Variants in SLBP observed in about 807,000 individuals in gnomAD.
SLBP encodes stem-loop histone mRNA binding protein.
Under a neutral mutation model 39.2 loss-of-function variants are expected in SLBP, and 29 were observed. The observed-to-expected ratio is 0.74, with a 90% CI of 0.55 to 1.01. SLBP has a LOEUF of 1.01. SLBP is among the 50% of genes least tolerant of loss of function. The pLI is 0.00. For synonymous variants in SLBP, 129 were observed against 118.7 expected (o/e 1.09, Z -0.57); for missense variants, 390 against 350.2 (o/e 1.11, Z -0.91).
intron 3 of SLBP, among the ~76,000 whole-genome samples, chr4:1,701,111 T>C (rs1716307114): frequency 6.6e-6 from 1 of 152,112 alleles, no homozygotes; most frequent in African/African-American, 2.4e-5. Flanking sequence ...AAAGACTGGT[T>C]TTCAGGTATG....
intron 3 of SLBP, among the ~76,000 whole-genome samples, chr4:1,702,871 GGAGA>G (rs1173835329): frequency 6.6e-6 from 1 of 152,124 alleles, no homozygotes; most frequent in African/African-American, 2.4e-5. Context: ...TCCTTCATCT[GGAGA>G]GAGCACTCCA....
intron 2 of SLBP, among the ~76,000 whole-genome samples, chr4:1,706,332 G>C (rs1231805718): frequency 6.6e-6 from 1 of 152,098 alleles, no homozygotes; most frequent in Non-Finnish European, 1.5e-5. Flanking sequence ...CCTTTCGGGC[G>C]CATGTAATTA....
Position 1,712,289 on chromosome 4 carries a change from C to G in SLBP, c.-101G>C. On this transcript the variant is annotated 5_prime_UTR_variant, in exon 1 of 8. Coordinates refer to ENST00000489418, the MANE Select transcript of SLBP (RefSeq NM_006527.4). ...GCAGGGCAGGGCCTGAGGCAGAAAC[C>G]CGCGTCCCCGCGCCGGCGCTCACGA... 2.9e-6 allele frequency: 2 copies of G among 687,044 alleles called. No individual in the cohort carries two copies. The highest frequency in any genetic ancestry group is 2.1e-6 in the Non-Finnish European group (1 of 476,354). 42.6% of individuals were successfully genotyped at this position (687,044 alleles called of 1,614,324 possible).
chr4:1,710,475 T>G (rs1716707745), intron 2 of SLBP, among the ~76,000 whole-genome samples: 1 of 152,230 alleles, frequency 6.6e-6, no homozygotes, highest in South Asian at 2.1e-4. Flanking sequence ...TTTAGGAATT[T>G]AGCTAATGTT....
chr4:1,710,636 G>A (rs565575568), intron 2 of SLBP, among the ~76,000 whole-genome samples: 3 of 152,318 alleles, frequency 2.0e-5, no homozygotes, highest in Admixed American at 6.5e-5. Context: ...GAGCAGGTAG[G>A]GGAATAGTCA....
Position 1,699,995 on chromosome 4 carries a change from T to C in SLBP, c.341+16A>G. The C allele has an allele frequency of 6.4e-7, 1 of 1,550,580 alleles. No individual in the cohort carries two copies. Among genetic ancestry groups the C allele is most frequent in the Non-Finnish European group, 8.7e-7 (1 of 1,143,998 alleles). Reference sequence around the variant, plus strand: ...GGTCTATCAAATTAGAAAAGAAACATTTACACAGCCTTTACCTTCCTGATG... The same window carrying C: ...GGTCTATCAAATTAGAAAAGAAACACTTACACAGCCTTTACCTTCCTGATG... On this transcript the variant is annotated intron_variant, in intron 4 of 7. Coordinates refer to ENST00000489418, the MANE Select transcript of SLBP (RefSeq NM_006527.4).
At chr4:1,699,532 T>C (rs1577180053) in intron 5 of SLBP, 32 bp downstream of exon 5, 1 of 1,612,180 alleles carries the variant, frequency 6.2e-7, no homozygotes, top group African/African-American at 1.3e-5. Flanking sequence ...GCCACACAGC[T>C]TGTTCAAGAC....
rs1485487946 is a variant in SLBP, at chr4:1,712,007, G to A, written c.60-17C>T. 2 of 1,284,064 alleles carry A rather than the reference G, an allele frequency of 1.6e-6. No individual in the cohort carries two copies. The highest frequency in any genetic ancestry group is 2.3e-5 in the South Asian group (1 of 43,922). The allele number at this position is 1,284,064 out of a possible 1,614,324, so 79.5% of individuals were successfully genotyped here. Reference sequence around the variant, plus strand: ...GACGGCGGGCTGCGGGGAGGGACGCGGTCGGCTGGGCACGGGAGGTTCGGG... The same window carrying A: ...GACGGCGGGCTGCGGGGAGGGACGCAGTCGGCTGGGCACGGGAGGTTCGGG... On this transcript the variant is annotated splice_polypyrimidine_tract_variant and intron_variant, in intron 1 of 7. Transcript: ENST00000489418.
intron 3 of SLBP, among the ~76,000 whole-genome samples, chr4:1,700,411 G>A (rs1716280546): frequency 6.6e-6 from 1 of 151,912 alleles, no homozygotes; most frequent in Admixed American, 6.6e-5. Flanking sequence ...CTTTTCTCTT[G>A]TTCCTCATGA....
chr4:1,693,764 G>T, intron 7 of SLBP, 51 bp from the exon 8 acceptor site: 1 of 1,253,766 alleles, frequency 8.0e-7, no homozygotes. Context: ...CCTGAAAACA[G>T]GGGCCCCTTC....
chr4:1,704,140 C>G (rs975914950), intron 2 of SLBP, among the ~76,000 whole-genome samples: 2 of 152,084 alleles, frequency 1.3e-5, no homozygotes, highest in Admixed American at 1.3e-4. Flanking sequence ...AATTATGATT[C>G]CTTTTGGGTG....
chr4:1,711,980 G>C lies in SLBP; in HGVS notation c.70C>G (p.Pro24Ala). Reference protein sequence around the residue: ...RCDGDASPPSPARWSLGRKRR... With the variant: ...RCDGDASPPSAARWSLGRKRR... ...TTCCGTCCCAGGCTCCATCGCGCGG[G>C]GGACGGCGGGCTGCGGGGAGGGACG... is the stretch of plus-strand genomic sequence containing the variant. Residue 24 changes from proline to alanine, a missense_variant, in exon 2 of 8, where the codon CCC becomes GCC. Pro to Ala is a conservative substitution (Grantham distance 27). Coordinates refer to ENST00000489418, the MANE Select transcript of SLBP (RefSeq NM_006527.4). 1 of 1,297,234 alleles carries C rather than the reference G, an allele frequency of 7.7e-7. No homozygotes were observed. Among genetic ancestry groups the C allele is most frequent in the Non-Finnish European group, 9.8e-7 (1 of 1,023,030 alleles). 80.4% of individuals were successfully genotyped at this position (1,297,234 alleles called of 1,614,324 possible).
At chr4:1,697,469 AAAAT>A (rs1046148864) in intron 5 of SLBP, among the ~76,000 whole-genome samples, 12 of 152,008 alleles carry the variant, frequency 7.9e-5, no homozygotes, top group Non-Finnish European at 1.6e-4. Flanking sequence ...CTCCGTCTCA[AAAAT>A]AAATAAATAA....
At chr4:1,703,543 G>T in intron 3 of SLBP, 53 bp downstream of exon 3, 1 of 1,077,420 alleles carries the variant, frequency 9.3e-7, no homozygotes, top group Non-Finnish European at 1.4e-6. Flanking sequence ...CAAATTTAAT[G>T]TGTTACTGAA....
Position 1,712,132 on chromosome 4 carries a change from G to T in SLBP, c.57C>A (p.Ala19=). 1 of 1,231,746 alleles carries T rather than the reference G, an allele frequency of 8.1e-7. No individual in the cohort carries two copies. The highest frequency in any genetic ancestry group is 1.0e-6 in the Non-Finnish European group (1 of 988,752). 76.3% of individuals were successfully genotyped at this position (1,231,746 alleles called of 1,614,324 possible). Residue 19 remains alanine, a splice_region_variant and synonymous_variant, in exon 1 of 8, where the codon GCC becomes GCA. Coordinates refer to ENST00000489418, the MANE Select transcript of SLBP (RefSeq NM_006527.4). ...CCCGCCGCGCAGCCCGGCCTCACCT[G>T]GCGTCACCGTCGCAGCGGCTCTGAT... ...PRHQSRCDGD[A]SPPSPARWSL...
At chr4:1,699,442 T>G in intron 5 of SLBP, 122 bp downstream of exon 5, 1 of 851,304 alleles carries the variant, frequency 1.2e-6, no homozygotes, top group South Asian at 2.0e-5. Context: ...TAAGTCCCTA[T>G]TAAATAGCTC....
At chr4:1,710,239 T>C (rs1329819241) in intron 2 of SLBP, among the ~76,000 whole-genome samples, 1 of 152,226 alleles carries the variant, frequency 6.6e-6, no homozygotes, top group Non-Finnish European at 1.5e-5. Context: ...TGCCTGAAGA[T>C]GCCTCCCATG....
Position 1,693,426 on chromosome 4 carries a change from T to C in SLBP, c.*171A>G, listed in dbSNP as rs184551664. The C allele has an allele frequency of 1.7e-6, 1 of 585,998 alleles. No homozygotes were observed. The highest frequency in any genetic ancestry group is 3.1e-5 in the Admixed American group (1 of 32,444). 36.3% of individuals were successfully genotyped at this position (585,998 alleles called of 1,614,324 possible). A position where few individuals can be genotyped will look rare whatever the true frequency, so the allele number is the denominator to read the frequency against. ...TAAAACATGCAAAATATACTCACTA[T>C]ACATAAAATTAATGTTTCTTAAGAA... On this transcript the variant is annotated 3_prime_UTR_variant, in exon 8 of 8. Transcript: ENST00000489418.
chr4:1,711,926 G>A lies in SLBP; in HGVS notation c.124C>T (p.Pro42Ser), dbSNP rs1037795581. 6 of 1,355,492 alleles carry A rather than the reference G, an allele frequency of 4.4e-6. No homozygotes were observed. The African/African-American group carries it at 9.1e-5, about 21-fold the overall frequency. The allele number at this position is 1,355,492 out of a possible 1,614,324, so 84.0% of individuals were successfully genotyped here. The part of the protein sequence containing the change: ...KRRADGRRWR[P>S]EDAEEAEHRG... Reference sequence around the variant, plus strand: ...TGCTCTGCCTCCTCGGCGTCTTCGGGCCTCCAGCGCCTGCCGTCGGCTCTG... The same window carrying A: ...TGCTCTGCCTCCTCGGCGTCTTCGGACCTCCAGCGCCTGCCGTCGGCTCTG... Residue 42 changes from proline (P) to serine (S), a missense_variant, in exon 2 of 8, where the codon CCC becomes TCC. Coordinates refer to ENST00000489418, the MANE Select transcript of SLBP (RefSeq NM_006527.4).
Sources: allele counts gnomAD v4.1 joint callset (sites outside exome capture counted in the v4.1 genomes callset), GRCh38; gene constraint gnomAD v4.1.1; transcripts MANE v1.5; gene names NCBI Gene and HGNC (gene_info 2026-07-23, HGNC 2026-07-21).